GABRG3: variants seen among roughly 807,000 people sequenced by gnomAD.
GABRG3 encodes the protein gamma-aminobutyric acid type A receptor subunit gamma3.
GABRG3 carries 25 observed loss-of-function variants against 48.8 expected under a neutral mutation model. That is an observed-to-expected ratio of 0.51 (90% CI 0.37 to 0.72). GABRG3 has a LOEUF of 0.72. Ranked by LOEUF, GABRG3 falls within the 30% of genes least tolerant of loss-of-function variation. GABRG3 has a pLI of 0.00. For missense variants in GABRG3, 394 were observed against 577.9 expected, an observed-to-expected ratio of 0.68 and a Z score of 3.26; for synonymous variants, 227 against 217.6, an observed-to-expected ratio of 1.04 and a Z score of -0.38.
At chr15:27,166,504 A>G (rs1280546791) in intron 3 of GABRG3, among the ~76,000 whole-genome samples, 5 of 152,070 alleles carry the variant, frequency 3.3e-5, no homozygotes, top group Non-Finnish European at 5.9e-5. Flanking sequence ...CTCTAGGGTA[A>G]TAAAGGTCTT....
chr15:27,307,435 A>ATTTATATATAAACATATAGGTTTATAGG, intron 3 of GABRG3, among the ~76,000 whole-genome samples: 1 of 76,614 alleles, frequency 1.3e-5, no homozygotes, highest in South Asian at 2.8e-4. Context: ...AGGTTTATAT[A>ATTTATATATAAACATATAGGTTTATAGG]TTTATATATA....
chr15:27,162,208 G>C (rs1441367506), intron 3 of GABRG3, among the ~76,000 whole-genome samples: 1 of 152,114 alleles, frequency 6.6e-6, no homozygotes, highest in Admixed American at 6.6e-5. Context: ...CTGGGAGAGA[G>C]CCCAACCCAA....
chr15:27,109,038 G>A (rs1483119209), intron 3 of GABRG3, among the ~76,000 whole-genome samples: 2 of 152,118 alleles, frequency 1.3e-5, no homozygotes, highest in Non-Finnish European at 2.9e-5. Context: ...GAGCATTTGT[G>A]CACAACATTC....
chr15:27,408,889 C>G (rs567915900), intron 5 of GABRG3, among the ~76,000 whole-genome samples: 1 of 152,292 alleles, frequency 6.6e-6, no homozygotes, highest in South Asian at 2.1e-4. Context: ...GCCCCATCAT[C>G]AAGCTTGAAG....
At chr15:27,387,810 AGGG>A in intron 5 of GABRG3, among the ~76,000 whole-genome samples, 1 of 57,346 alleles carries the variant, frequency 1.7e-5, no homozygotes, top group Non-Finnish European at 3.5e-5. Context: ...AGAAGGAGGG[AGGG>A]AGGGAGGGAG....
chr15:27,038,708 C>T (rs1401032161), intron 3 of GABRG3, among the ~76,000 whole-genome samples: 1 of 152,202 alleles, frequency 6.6e-6, no homozygotes, highest in African/African-American at 2.4e-5. Context: ...GGGAACCATG[C>T]AGTGTGGCCT....
intron 3 of GABRG3, among the ~76,000 whole-genome samples, chr15:27,184,406 T>A (rs1166137283): frequency 6.6e-6 from 1 of 152,200 alleles, no homozygotes; most frequent in Non-Finnish European, 1.5e-5. Context: ...GTATCTGGAT[T>A]CTTCTCGATT....
chr15:27,005,358 G>C (rs1005417498), intron 2 of GABRG3, among the ~76,000 whole-genome samples: 1 of 151,966 alleles, frequency 6.6e-6, no homozygotes, highest in African/African-American at 2.4e-5. Context: ...AGGCCACCAC[G>C]CCCAGCTTTA....
chr15:27,227,426 G>C (rs760240463), intron 3 of GABRG3, among the ~76,000 whole-genome samples: 2 of 152,144 alleles, frequency 1.3e-5, no homozygotes, highest in African/African-American at 2.4e-5. Context: ...TGAGCCTTAG[G>C]ACATTGAGGC....
chr15:27,468,727 G>C (rs1889692680), intron 5 of GABRG3, among the ~76,000 whole-genome samples: 1 of 152,182 alleles, frequency 6.6e-6, no homozygotes, highest in Non-Finnish European at 1.5e-5. Context: ...CAAAGTTCAA[G>C]AGTAGTGATG....
At chr15:27,090,372 A>G (rs1489273292) in intron 3 of GABRG3, among the ~76,000 whole-genome samples, 2 of 152,180 alleles carry the variant, frequency 1.3e-5, no homozygotes, top group Non-Finnish European at 2.9e-5. Flanking sequence ...TCCGTAGGTA[A>G]CCCCATTGTA....
intron 3 of GABRG3, chr15:27,158,314 A>G (rs1432648568): frequency 6.6e-6 from 1 of 152,186 alleles, no homozygotes; most frequent in Non-Finnish European, 1.5e-5. Flanking sequence ...CAGTGGACGG[A>G]CAGCATCCAT....
At chr15:27,108,496 T>G (rs1595529448) in intron 3 of GABRG3, among the ~76,000 whole-genome samples, 1 of 152,224 alleles carries the variant, frequency 6.6e-6, no homozygotes, top group East Asian at 1.9e-4. Flanking sequence ...TATGGTCTAG[T>G]GCATGGTCTA....
At chr15:27,294,223 CTTTT>C (rs1162063750) in intron 3 of GABRG3, among the ~76,000 whole-genome samples, 6 of 129,284 alleles carry the variant, frequency 4.6e-5, no homozygotes, top group African/African-American at 6.2e-5. Context: ...TTTCTTTTTC[CTTTT>C]TTTTTTTTTT....
Position 27,480,659 on chromosome 15 carries a change from C to T in GABRG3, c.584C>T (p.Pro195Leu). 1 of 1,609,720 alleles carries T rather than the reference C, an allele frequency of 6.2e-7. No individual in the cohort carries two copies. The highest frequency in any genetic ancestry group is 8.5e-7 in the Non-Finnish European group (1 of 1,177,758). Residue 195 changes from proline (P) to leucine (L), a missense_variant, in exon 6 of 10, where the codon CCC becomes CTC. Pro to Leu is a moderately conservative substitution (Grantham distance 98, BLOSUM62 -3). Coordinates refer to ENST00000615808, the MANE Select transcript of GABRG3 (RefSeq NM_033223.5). ...CPLIFSSYGY[P>L]KEEMIYRWRK... is the part of the protein sequence containing the mutation. ...TGCTCTGTGTTTTTAGATGGCTATC[C>T]CAAAGAAGAAATGATTTATAGATGG...
chr15:26,996,621 CTTAT>C (rs147458553), intron 2 of GABRG3, among the ~76,000 whole-genome samples: 287 of 149,916 alleles, frequency 1.9e-3, no homozygotes, highest in Middle Eastern at 6.9e-3. Context: ...TATATACTGG[CTTAT>C]TTATTTATTT....
chr15:27,500,862 G>A (rs567521846), intron 6 of GABRG3, among the ~76,000 whole-genome samples: 1 of 150,898 alleles, frequency 6.6e-6, no homozygotes, highest in East Asian at 1.9e-4. Flanking sequence ...AATTAATCCA[G>A]GAATCTTATA....
intron 7 of GABRG3, among the ~76,000 whole-genome samples, chr15:27,524,366 G>A (rs1191010831): frequency 6.6e-6 from 1 of 152,042 alleles, no homozygotes; most frequent in African/African-American, 2.4e-5. Context: ...CCCCTAAAAT[G>A]ATGGCTAATG....
intron 2 of GABRG3, 30 bp downstream of exon 2, chr15:26,977,180 A>G (rs930971475): frequency 6.3e-7 from 1 of 1,598,394 alleles, no homozygotes; most frequent in African/African-American, 1.4e-5. Context: ...ATTCTAATAG[A>G]AAAATATGCT....
Sources: allele counts gnomAD v4.1 joint callset (sites outside exome capture counted in the v4.1 genomes callset), GRCh38; gene constraint gnomAD v4.1.1; transcripts MANE v1.5; gene names NCBI Gene and HGNC (gene_info 2026-07-23, HGNC 2026-07-21).